GPC3: variants seen among roughly 807,000 people sequenced by gnomAD.
The protein encoded by GPC3 is glypican 3.
In GPC3, 3 loss-of-function variants were observed where a neutral mutation model predicts 34.4. The ratio of observed to expected loss-of-function variants is 0.09; its 90% CI spans 0.04 to 0.23. The LOEUF is 0.23. GPC3 is among the 10% of genes least tolerant of loss of function. The probability of loss-of-function intolerance (pLI) is 1.00; values close to 1 mark genes in which losing one functional copy is unlikely to be tolerated. For synonymous variants in GPC3, 177 were observed against 174.0 expected, an observed-to-expected ratio of 1.02 and a Z score of -0.13; for missense variants, 351 against 445.6, an observed-to-expected ratio of 0.79 and a Z score of 1.91.
chrX:133,612,134 T>C (rs776932026), intron 6 of GPC3, among the ~76,000 whole-genome samples: 1 of 112,053 alleles, frequency 8.9e-6, no homozygotes, highest in Non-Finnish European at 1.9e-5. Flanking sequence ...CTGCTGCTAA[T>C]CAAGTACTTC....
chrX:133,872,461 TG>T (rs1001533572), intron 2 of GPC3, among the ~76,000 whole-genome samples: 11 of 111,737 alleles, frequency 9.8e-5, no homozygotes, highest in African/African-American at 3.6e-4. Context: ...AAACTGTTCA[TG>T]CAACAAACAG....
At chrX:133,798,693 T>C (rs1191219869) in intron 2 of GPC3, among the ~76,000 whole-genome samples, 3 of 112,550 alleles carry the variant, frequency 2.7e-5, no homozygotes, top group Non-Finnish European at 3.7e-5. Context: ...TTTTTCAACA[T>C]CCACCCTTAA....
In GPC3 at chrX:133,840,618, T is replaced by TTCATCACCATCA. The variant is rs1309344096; in HGVS notation, c.338-86454_338-86443dup. Among the ~76,000 whole-genome samples the TTCATCACCATCA allele has an allele frequency of 2.9e-3, 323 of 110,607 alleles. 3 individuals carry two copies. Among genetic ancestry groups the TTCATCACCATCA allele is most frequent in the African/African-American group, 9.9e-3 (301 of 30,343 alleles). The stretch of plus-strand genomic sequence containing the variant: ...CATCATCATCATCATCATCATCATC[T>TTCATCACCATCA]TCATCACCATCATCATCACCATCAT... On this transcript the variant is annotated intron_variant, in intron 2 of 7. Coordinates refer to ENST00000370818, the MANE Select transcript of GPC3 (RefSeq NM_004484.4).
chrX:133,677,100 G>A (rs149212053), intron 5 of GPC3, among the ~76,000 whole-genome samples: 176 of 111,566 alleles, frequency 1.6e-3, no homozygotes, highest in African/African-American at 5.3e-3. Flanking sequence ...GCAGTGCTAT[G>A]GGGGAAACAT....
At chrX:133,958,720 A>C (rs781524002) in intron 1 of GPC3, among the ~76,000 whole-genome samples, 10 of 105,917 alleles carry the variant, frequency 9.4e-5, no homozygotes, top group Admixed American at 5.1e-4. Context: ...AAAAAAAAAA[A>C]AAACAAAAAA....
At chrX:133,963,618 A>G in intron 1 of GPC3, among the ~76,000 whole-genome samples, 1 of 111,583 alleles carries the variant, frequency 9.0e-6, no homozygotes. Flanking sequence ...CCTCCTCTCC[A>G]AATGAACTCT....
intron 5 of GPC3, among the ~76,000 whole-genome samples, chrX:133,675,962 G>C (rs2070880689): frequency 8.9e-6 from 1 of 112,502 alleles, no homozygotes; most frequent in Admixed American, 9.4e-5. Context: ...CCAGCATTTA[G>C]TTTCTGCCTT....
At chrX:133,645,903 G>A (rs890903807) in intron 6 of GPC3, among the ~76,000 whole-genome samples, 3 of 110,760 alleles carry the variant, frequency 2.7e-5, no homozygotes, top group Non-Finnish European at 5.7e-5. Flanking sequence ...CCTCAGAGAA[G>A]GTGGCATGGC....
intron 7 of GPC3, among the ~76,000 whole-genome samples, chrX:133,561,903 C>T (rs1397925017): frequency 8.9e-6 from 1 of 112,341 alleles, no homozygotes; most frequent in East Asian, 2.8e-4. Context: ...TATTTTATGA[C>T]ACAAACTTCA....
chrX:133,653,155 G>A (rs1483755041), intron 6 of GPC3, among the ~76,000 whole-genome samples: 1 of 112,137 alleles, frequency 8.9e-6, no homozygotes, highest in African/African-American at 3.2e-5. Flanking sequence ...AGCCTTTAAT[G>A]TTAGCTTTAA....
At chrX:133,626,795 C>T (rs1207692316) in intron 6 of GPC3, among the ~76,000 whole-genome samples, 1 of 106,531 alleles carries the variant, frequency 9.4e-6, no homozygotes, top group South Asian at 4.3e-4. Context: ...TATCATTTGA[C>T]CCAGCCATCC....
intron 2 of GPC3, among the ~76,000 whole-genome samples, chrX:133,885,933 T>C (rs1319836449): frequency 1.8e-5 from 2 of 111,374 alleles, no homozygotes; most frequent in South Asian, 3.8e-4. Flanking sequence ...GGCAAGGAAA[T>C]GTGAAATGTA....
At chrX:133,545,914 A>C (rs758757252) in intron 7 of GPC3, among the ~76,000 whole-genome samples, 10 of 111,311 alleles carry the variant, frequency 9.0e-5, no homozygotes, top group Middle Eastern at 4.6e-3. Context: ...ATTAGCCAAA[A>C]AAAAAAAGGA....
chrX:133,633,240 G>C (rs1016202101), intron 6 of GPC3, among the ~76,000 whole-genome samples: 2 of 112,078 alleles, frequency 1.8e-5, no homozygotes, highest in Non-Finnish European at 3.8e-5. Context: ...TATGTAAACT[G>C]ATTTGTACCT....
intron 7 of GPC3, among the ~76,000 whole-genome samples, chrX:133,580,298 T>C (rs1441705014): frequency 8.9e-6 from 1 of 111,869 alleles, no homozygotes; most frequent in Non-Finnish European, 1.9e-5. Flanking sequence ...CTAAACCCCT[T>C]GGAGGCACTG....
chrX:133,646,277 G>A (rs1349714588), intron 6 of GPC3, among the ~76,000 whole-genome samples: 21 of 111,019 alleles, frequency 1.9e-4, no homozygotes, highest in Admixed American at 1.8e-3. Context: ...ACTGGTAATC[G>A]GCTACATAGA....
chrX:133,656,382 A>G (rs2070664748), intron 6 of GPC3, among the ~76,000 whole-genome samples: 1 of 112,207 alleles, frequency 8.9e-6, no homozygotes, highest in Non-Finnish European at 1.9e-5. Flanking sequence ...ACAGAGAATG[A>G]AATCAGTAGC....
At chrX:133,817,657 C>T (rs991138004) in intron 2 of GPC3, among the ~76,000 whole-genome samples, 17 of 108,751 alleles carry the variant, frequency 1.6e-4, no homozygotes, top group South Asian at 4.2e-4. Flanking sequence ...TCCCCAGCAA[C>T]TGGGTATTAT....
chrX:133,831,375 G>A (rs1160120933), intron 2 of GPC3, among the ~76,000 whole-genome samples: 1 of 111,802 alleles, frequency 8.9e-6, no homozygotes, highest in Non-Finnish European at 1.9e-5. Context: ...GAGAATTCTC[G>A]GCACTATTTT....
Sources: allele counts gnomAD v4.1 joint callset (sites outside exome capture counted in the v4.1 genomes callset), GRCh38; gene constraint gnomAD v4.1.1; transcripts MANE v1.5; gene names NCBI Gene and HGNC (gene_info 2026-07-23, HGNC 2026-07-21).